The following ADAMTSL1 variants were observed in gnomAD, a reference collection of about 807,000 sequenced individuals.
The protein encoded by ADAMTSL1 is ADAMTS-like protein 1.
ADAMTSL1 carries 126 observed loss-of-function variants against 201.8 expected under a neutral mutation model. The ratio of observed to expected loss-of-function variants is 0.62; its 90% confidence interval spans 0.54 to 0.72. The LOEUF is 0.72. Ranked by LOEUF, ADAMTSL1 falls within the 30% of genes least tolerant of loss-of-function variation. The pLI, the probability that ADAMTSL1 is intolerant of heterozygous loss-of-function variation, is 0.00. For synonymous variants in ADAMTSL1, 1,121 were observed against 903.4 expected (o/e 1.24, Z -4.32); for missense variants, 2,679 against 2,277.8 (o/e 1.18, Z -3.59).
chr9:18,284,878 A>G (rs1291562713), intron 2 of ADAMTSL1, among the ~76,000 whole-genome samples: 3 of 152,326 alleles, frequency 2.0e-5, no homozygotes, highest in East Asian at 1.9e-4. Flanking sequence ...ACTATCCGTT[A>G]TCATATTAAT....
intron 1 of ADAMTSL1, among the ~76,000 whole-genome samples, chr9:18,013,002 TTC>T (rs368167952): frequency 0.021 from 1,868 of 87,732 alleles, 48 homozygotes; most frequent in African/African-American, 0.068. Flanking sequence ...CATTTTTTTT[TTC>T]TTTAGCACAT....
At chr9:18,233,204 T>C (rs1452270334) in intron 2 of ADAMTSL1, among the ~76,000 whole-genome samples, 1 of 152,196 alleles carries the variant, frequency 6.6e-6, no homozygotes, top group African/African-American at 2.4e-5. Flanking sequence ...AGAGAGCACC[T>C]TATATTTTCA....
intron 1 of ADAMTSL1, among the ~76,000 whole-genome samples, chr9:18,489,620 CA>C (rs1563992058): frequency 6.6e-6 from 1 of 152,210 alleles, no homozygotes; most frequent in East Asian, 1.9e-4. Context: ...CAAAATAAAA[CA>C]TACGCTGAGA....
At chr9:18,503,240 G>A (rs1822934128) in intron 1 of ADAMTSL1, among the ~76,000 whole-genome samples, 1 of 151,614 alleles carries the variant, frequency 6.6e-6, no homozygotes, top group African/African-American at 2.4e-5. Context: ...TCTAGACACA[G>A]ACACAGACAT....
At chr9:18,637,421 G>A (rs1827172562) in intron 6 of ADAMTSL1, among the ~76,000 whole-genome samples, 1 of 152,126 alleles carries the variant, frequency 6.6e-6, no homozygotes, top group African/African-American at 2.4e-5. Context: ...CACCAAGTGG[G>A]GGACTGACTC....
At chr9:17,995,045 T>C (rs544919355) in intron 1 of ADAMTSL1, among the ~76,000 whole-genome samples, 100 of 152,312 alleles carry the variant, frequency 6.6e-4, no homozygotes, top group African/African-American at 2.4e-3. Flanking sequence ...AGTCAGAACG[T>C]GTGGCTTAGC....
intron 1 of ADAMTSL1, among the ~76,000 whole-genome samples, chr9:18,088,503 AAGG>A (rs1355575437): frequency 6.6e-6 from 1 of 152,202 alleles, no homozygotes; most frequent in Non-Finnish European, 1.5e-5. Context: ...TATATTCGAT[AAGG>A]AGTTAAACGC....
At chr9:18,301,551 G>T (rs1177752651) in intron 2 of ADAMTSL1, among the ~76,000 whole-genome samples, 3 of 152,080 alleles carry the variant, frequency 2.0e-5, no homozygotes, top group Non-Finnish European at 4.4e-5. Context: ...TAATGAAATA[G>T]AACCATTATG....
intron 2 of ADAMTSL1, among the ~76,000 whole-genome samples, chr9:18,397,682 T>C (rs955157950): frequency 9.2e-5 from 14 of 152,196 alleles, no homozygotes; most frequent in Non-Finnish European, 1.5e-5. Context: ...TTATAGGACA[T>C]ACCACAATTT....
At chr9:18,907,005 T>G (rs1171489652) in intron 28 of ADAMTSL1, 93 bp downstream of exon 28, 1 of 1,413,066 alleles carries the variant, frequency 7.1e-7, no homozygotes, top group Non-Finnish European at 9.8e-7. Context: ...GCATAGGGCA[T>G]GGGGTCAGCT....
intron 2 of ADAMTSL1, among the ~76,000 whole-genome samples, chr9:18,274,060 C>G (rs953283591): frequency 3.3e-5 from 5 of 152,246 alleles, no homozygotes; most frequent in Middle Eastern, 3.4e-3. Context: ...GAGGGTGAGT[C>G]TAGAATGAAG....
chr9:18,811,093 A>C (rs1469521073), intron 20 of ADAMTSL1, among the ~76,000 whole-genome samples: 5 of 151,656 alleles, frequency 3.3e-5, no homozygotes, highest in Non-Finnish European at 5.9e-5. Context: ...GGGGAAGCAT[A>C]GCAAGACAGA....
rs1348008339 is a variant in ADAMTSL1, at chr9:18,388,155, ATT to A, written c.208-116668_208-116667del. 2.6e-5 allele frequency among the ~76,000 whole-genome samples: 4 copies of A among 151,652 alleles called. No homozygotes were observed. In the East Asian group the frequency reaches 5.8e-4, roughly 22 times the overall value. The stretch of plus-strand genomic sequence containing the variant: ...CTTTTTATGTCCCTGAATTTTACAC[ATT>A]TTTTTGTAAATAGATATCTGGATTT... On this transcript the variant is annotated intron_variant, in intron 2 of 29. Coordinates refer to the ADAMTSL1 transcript ENST00000680146.
chr9:18,520,227 C>T (rs934206217), intron 2 of ADAMTSL1, among the ~76,000 whole-genome samples: 4 of 152,198 alleles, frequency 2.6e-5, no homozygotes, highest in Non-Finnish European at 5.9e-5. Flanking sequence ...GAGGTGCTTT[C>T]CTTGGTTCCA....
At chr9:18,387,353 A>T (rs915959680) in intron 2 of ADAMTSL1, among the ~76,000 whole-genome samples, 1 of 152,014 alleles carries the variant, frequency 6.6e-6, no homozygotes, top group Non-Finnish European at 1.5e-5. Flanking sequence ...GAATCCTCCT[A>T]TACAGCCTTG....
rs187195304 is a variant in ADAMTSL1, at chr9:18,220,648, T to C, written c.207+56667T>C. ...TTTGATTTATTTTTACCGTCTTACT[T>C]GGTACTCTCTATTTTGCATGCATTT... On this transcript the variant is annotated intron_variant, in intron 2 of 29. Coordinates refer to the ADAMTSL1 transcript ENST00000680146. Among the ~76,000 whole-genome samples the C allele has an allele frequency of 2.6e-5, 4 of 152,286 alleles. No homozygotes were observed. The East Asian group carries it at 7.7e-4, about 29-fold the overall frequency.
chr9:18,405,786 C>G (rs1031166704), intron 2 of ADAMTSL1, among the ~76,000 whole-genome samples: 3 of 152,044 alleles, frequency 2.0e-5, no homozygotes, highest in African/African-American at 7.2e-5. Context: ...AGGGAGGAAA[C>G]AAAATATCAC....
intron 23 of ADAMTSL1, among the ~76,000 whole-genome samples, chr9:18,863,319 T>C (rs1241781782): frequency 6.6e-6 from 1 of 152,158 alleles, no homozygotes; most frequent in Non-Finnish European, 1.5e-5. Flanking sequence ...TATATCAAGT[T>C]CTTCTACCAG....
At chr9:18,152,110 C>T (rs1826941590) in intron 1 of ADAMTSL1, among the ~76,000 whole-genome samples, 1 of 152,220 alleles carries the variant, frequency 6.6e-6, no homozygotes. Flanking sequence ...CTCATTTACA[C>T]ATGAAGGACC....
Sources: allele counts gnomAD v4.1 joint callset (sites outside exome capture counted in the v4.1 genomes callset), GRCh38; gene constraint gnomAD v4.1.1; transcripts MANE v1.5; gene names NCBI Gene and HGNC (gene_info 2026-07-23, HGNC 2026-07-21).